ZNF174: variants seen among roughly 807,000 people sequenced by gnomAD.
ZNF174 encodes the protein zinc finger protein 174.
ZNF174 carries 30 observed loss-of-function variants against 38.7 expected under a neutral mutation model. The observed-to-expected ratio is 0.78, with a 90% CI of 0.58 to 1.05. ZNF174 has a LOEUF of 1.05. ZNF174 is among the 50% of genes least tolerant of loss of function. The pLI, the probability that ZNF174 is intolerant of heterozygous loss-of-function variation, is 0.00. For missense variants in ZNF174, 499 were observed against 495.6 expected (o/e 1.01, Z -0.06); for synonymous variants, 201 against 181.7 (o/e 1.11, Z -0.86).
Position 3,402,163 on chromosome 16 carries a change from T to C in ZNF174, c.159T>C (p.Cys53=), listed in dbSNP as rs772962029. The change falls in exon 1 of 3, where the codon TGT becomes TGC. Residue 53 remains cysteine, a synonymous_variant. Coordinates refer to ENST00000268655, the MANE Select transcript of ZNF174 (RefSeq NM_003450.3). ...GCCGCCAGAGCTTCAGACGCTTTTG[T>C]TATCAAGAGGTGTCTGGACCCCAAG... ...ELCRQSFRRF[C]YQEVSGPQEA... is the part of the protein sequence containing the mutation. 1.2e-6 allele frequency: 2 copies of C among 1,613,064 alleles called. No individual in the cohort carries two copies. The highest frequency in any genetic ancestry group is 1.7e-6 in the Non-Finnish European group (2 of 1,179,144).
In ZNF174 at chr16:3,404,497, G is replaced by A; in HGVS notation, c.474G>A (p.Leu158=). The change falls in exon 2 of 3, where the codon CTG becomes CTA. Residue 158 remains leucine, a synonymous_variant. Transcript: ENST00000268655. ...KTGSQLGEQE[L]PDFQPQTPRR... is the part of the protein sequence containing the mutation. ...GATCTCAGCTTGGAGAACAGGAACT[G>A]CCAGACTTTCAACCGCAGACTCCTA... The A allele has an allele frequency of 6.2e-7, 1 of 1,613,670 alleles. No homozygotes were observed. The highest frequency in any genetic ancestry group is 8.5e-7 in the Non-Finnish European group (1 of 1,179,578).
Position 3,404,478 on chromosome 16 carries a change from A to G in ZNF174, c.455A>G (p.Gln152Arg), listed in dbSNP as rs2034021308. 1 of 1,611,896 alleles carries G rather than the reference A, an allele frequency of 6.2e-7. No individual in the cohort carries two copies. Among genetic ancestry groups the G allele is most frequent in the African/African-American group, 1.3e-5 (1 of 74,876 alleles). Residue 152 changes from glutamine (Q) to arginine (R), a missense_variant, in exon 2 of 3, where the codon CAG (glutamine) becomes CGG (arginine). By Grantham distance (43) the Gln-to-Arg change is conservative. Transcript: ENST00000268655. ...QKVLLEKTGS[Q>R]LGEQELPDFQ... ...GTGCTCTTGGAGAAAACTGGATCTCAGCTTGGAGAACAGGAACTGCCAGAC... is the reference window on the plus strand; with the variant it reads ...GTGCTCTTGGAGAAAACTGGATCTCGGCTTGGAGAACAGGAACTGCCAGAC...
In ZNF174 at chr16:3,404,512, G is replaced by A. The variant is rs140705448; in HGVS notation, c.489G>A (p.Pro163=). 5.8e-5 allele frequency: 93 copies of A among 1,613,768 alleles called. No homozygotes were observed. In the African/African-American group the frequency reaches 5.9e-4, roughly 10 times the overall value. The change falls in exon 2 of 3, where the codon CCG becomes CCA. Residue 163 remains proline, a synonymous_variant. Coordinates refer to ENST00000268655, the MANE Select transcript of ZNF174 (RefSeq NM_003450.3). ...LGEQELPDFQ[P]QTPRRDLRES... is the part of the protein sequence containing the mutation. The stretch of plus-strand genomic sequence containing the variant: ...AACAGGAACTGCCAGACTTTCAACC[G>A]CAGACTCCTAGGAGAGATCTCAGGG...
intron 2 of ZNF174, 121 bp from the exon 3 acceptor site, chr16:3,408,200 G>A (rs1017950313): frequency 6.8e-5 from 63 of 932,762 alleles, no homozygotes; most frequent in Non-Finnish European, 9.2e-5. Flanking sequence ...CTCCAGATGA[G>A]TCTAATGCAA....
chr16:3,405,736 G>A (rs909246723), intron 2 of ZNF174, among the ~76,000 whole-genome samples: 5 of 152,248 alleles, frequency 3.3e-5, no homozygotes, highest in African/African-American at 4.8e-5. Flanking sequence ...GCCGGGCACA[G>A]TGGCTCACGC....
rs1162794477 is a variant in ZNF174 at position 3,408,662 on chromosome 16, A to G, written c.967A>G (p.Lys323Glu). 2 of 1,614,068 alleles carry G rather than the reference A, an allele frequency of 1.2e-6. No individual in the cohort carries two copies. Among genetic ancestry groups the G allele is most frequent in the Admixed American group, 1.7e-5 (1 of 59,988 alleles). The change falls in exon 3 of 3, where the codon AAG (lysine) becomes GAG (glutamate). Residue 323 changes from lysine to glutamate, a missense_variant. Physicochemically the swap from Lys to Glu is moderately conservative, Grantham distance 56. Coordinates refer to ENST00000268655, the MANE Select transcript of ZNF174 (RefSeq NM_003450.3). ...HLGHQPTRSA[K>E]KPYKCDDCGK... ...TGGTCACCAGCCCACCCGCTCAGCA[A>G]AGAAACCCTACAAATGTGATGACTG...
At chr16:3,404,672 C>G in intron 2 of ZNF174, 24 bp downstream of exon 2, 1 of 1,612,816 alleles carries the variant, frequency 6.2e-7, no homozygotes, top group Non-Finnish European at 8.5e-7. Context: ...CTTTTCTCTC[C>G]CTCTCATCAG....
At position 3,408,529 on chromosome 16, in the gene ZNF174, A is replaced by C. The variant is rs1338133333; in HGVS notation, c.834A>C (p.Arg278Ser). 6.2e-7 allele frequency: 1 copy of C among 1,614,196 alleles called. No homozygotes were observed. The highest frequency in any genetic ancestry group is 8.5e-7 in the Non-Finnish European group (1 of 1,180,032). Residue 278 changes from arginine (R) to serine (S), a missense_variant, in exon 3 of 3, where the codon AGA becomes AGC. Transcript: ENST00000268655. ...AAAAGCCATTTGCTCACTACCAGAG[A>C]CATTGCAGGGTGGAATACATCAGCA... ...NAQKPFAHYQ[R>S]HCRVEYISSP... is the part of the protein sequence containing the mutation.
In ZNF174 at chr16:3,401,483, C is replaced by T. The variant is rs2033896511; in HGVS notation, c.-522C>T. 1 of 152,974 alleles carries T rather than the reference C, an allele frequency of 6.5e-6. No homozygotes were observed. Among genetic ancestry groups the T allele is most frequent in the Non-Finnish European group, 1.5e-5 (1 of 68,532 alleles). 9.5% of individuals were successfully genotyped at this position (152,974 alleles called of 1,614,324 possible). A position where few individuals can be genotyped will look rare whatever the true frequency, so the allele number is the denominator to read the frequency against. ...CGGCAGCGAGCAGCCGCTTTGCTCGCGTGCAGGAGGCTGTTCGCTACCTCA... is the reference window on the plus strand; with the variant it reads ...CGGCAGCGAGCAGCCGCTTTGCTCGTGTGCAGGAGGCTGTTCGCTACCTCA... On this transcript the variant is annotated 5_prime_UTR_variant, in exon 1 of 3. Transcript: ENST00000268655.
At chr16:3,408,057 G>C (rs1359151171) in intron 2 of ZNF174, among the ~76,000 whole-genome samples, 1 of 152,108 alleles carries the variant, frequency 6.6e-6, no homozygotes, top group Non-Finnish European at 1.5e-5. Context: ...TGGAGAACTT[G>C]GTTCCTAAAT....
At chr16:3,403,370 T>C (rs951573887) in intron 1 of ZNF174, among the ~76,000 whole-genome samples, 16 of 151,488 alleles carry the variant, frequency 1.1e-4, no homozygotes, top group African/African-American at 3.9e-4. Context: ...GGGGTTTCAC[T>C]ATGTTGGCCA....
In ZNF174 at chr16:3,408,541, G is replaced by T; in HGVS notation, c.846G>T (p.Val282=). 6.2e-7 allele frequency: 1 copy of T among 1,614,132 alleles called. No individual in the cohort carries two copies. Among genetic ancestry groups the T allele is most frequent in the Non-Finnish European group, 8.5e-7 (1 of 1,180,038 alleles). Residue 282 remains valine (V), a synonymous_variant, in exon 3 of 3, where the codon GTG becomes GTT. Coordinates refer to ENST00000268655, the MANE Select transcript of ZNF174 (RefSeq NM_003450.3). ...PFAHYQRHCR[V]EYISSPLKSH... is the part of the protein sequence containing the mutation. The stretch of plus-strand genomic sequence containing the variant: ...CTCACTACCAGAGACATTGCAGGGT[G>T]GAATACATCAGCAGCCCCCTAAAAA...
Position 3,404,576 on chromosome 16 carries a change from G to C in ZNF174, c.553G>C (p.Asp185His), listed in dbSNP as rs1366607933. The C allele has an allele frequency of 1.2e-6, 2 of 1,614,198 alleles. No homozygotes were observed. The highest frequency in any genetic ancestry group is 8.5e-7 in the Non-Finnish European group (1 of 1,180,034). ...AGAGCCTTCCCAGGCAGGAGCTTATGACCGGCTGAGCCCCCATCATTGGGA... is the reference window on the plus strand; with the variant it reads ...AGAGCCTTCCCAGGCAGGAGCTTATCACCGGCTGAGCCCCCATCATTGGGA... ...PAEPSQAGAY[D>H]RLSPHHWEKS... The change falls in exon 2 of 3, where the codon GAC becomes CAC. Residue 185 changes from aspartate (D) to histidine (H), a missense_variant. By Grantham distance (81) the Asp-to-His change is moderately conservative. Transcript: ENST00000268655.
intron 2 of ZNF174, chr16:3,405,054 C>G: frequency 1.3e-6 from 2 of 1,582,154 alleles, no homozygotes; most frequent in Admixed American, 3.9e-5. Flanking sequence ...TATCTTTGTC[C>G]TCCTCTGTGA....
intron 2 of ZNF174, among the ~76,000 whole-genome samples, chr16:3,407,598 C>T (rs1316153167): frequency 6.6e-6 from 1 of 152,174 alleles, no homozygotes; most frequent in African/African-American, 2.4e-5. Context: ...TAGTGGCTGC[C>T]ATATTGAACA....
intron 2 of ZNF174, 171 bp downstream of exon 2, chr16:3,404,819 CAAGT>C (rs754345735): frequency 1.7e-5 from 26 of 1,565,504 alleles, no homozygotes; most frequent in African/African-American, 2.7e-5. Context: ...GGTGATACTA[CAAGT>C]AAGTATGTTT....
chr16:3,404,705 C>T (rs755610049), intron 2 of ZNF174, 57 bp downstream of exon 2: 8 of 1,602,514 alleles, frequency 5.0e-6, no homozygotes, highest in South Asian at 1.1e-5. Flanking sequence ...ATCAATGTAT[C>T]TCATGGTTCT....
chr16:3,404,533 C>CAGGG lies in ZNF174; in HGVS notation c.513_516dup (p.Ser173GlyfsTer14). 6.2e-7 allele frequency: 1 copy of CAGGG among 1,614,218 alleles called. No homozygotes were observed. The highest frequency in any genetic ancestry group is 8.5e-7 in the Non-Finnish European group (1 of 1,180,036). ...AACCGCAGACTCCTAGGAGAGATCTCAGGGAGAGCTCTCCAGCAGAGCCTT... is the reference window on the plus strand; with the variant it reads ...AACCGCAGACTCCTAGGAGAGATCTCAGGGAGGGAGAGCTCTCCAGCAGAGCCTT... On this transcript the variant is annotated frameshift_variant, in exon 2 of 3. Transcript: ENST00000268655. LOFTEE classifies it high-confidence loss of function.
chr16:3,401,926 T>G lies in ZNF174; in HGVS notation c.-79T>G. 1 of 1,520,574 alleles carries G rather than the reference T, an allele frequency of 6.6e-7. No individual in the cohort carries two copies. The highest frequency in any genetic ancestry group is 8.9e-7 in the Non-Finnish European group (1 of 1,127,514). The allele number at this position is 1,520,574 out of a possible 1,614,324, so 94.2% of individuals were successfully genotyped here. ...ACCTTCGTTTCTAGAATCTTTCTAG[T>G]ATTCAGAGACTTCTCCAGGGTCATG... On this transcript the variant is annotated 5_prime_UTR_variant, in exon 1 of 3. Coordinates refer to ENST00000268655, the MANE Select transcript of ZNF174 (RefSeq NM_003450.3).
Sources: gnomAD v4.1 joint callset for allele counts (sites outside exome capture counted in the v4.1 genomes callset) on GRCh38, gnomAD v4.1.1 for gene constraint, MANE v1.5 for transcripts, NCBI Gene and HGNC (gene_info 2026-07-23, HGNC 2026-07-21) for gene names.